The following TMTC2 variants were observed in gnomAD, a reference collection of about 807,000 sequenced individuals.
The protein encoded by TMTC2 is transmembrane O-mannosyltransferase targeting cadherins 2.
TMTC2 carries 43 observed loss-of-function variants against 82.4 expected under a neutral mutation model. That is an observed-to-expected ratio of 0.52 (90% CI 0.41 to 0.67). The LOEUF (loss-of-function observed/expected upper bound fraction) is 0.67, where lower values mean the gene tolerates loss of function less well. TMTC2 is among the 30% of genes least tolerant of loss of function. TMTC2 has a pLI of 0.00. For synonymous variants in TMTC2, 408 were observed against 381.9 expected, an observed-to-expected ratio of 1.07 and a Z score of -0.80; for missense variants, 919 against 1,012.4, an observed-to-expected ratio of 0.91 and a Z score of 1.25.
chr12:82,781,908 T>A (rs745991638), intron 1 of TMTC2, among the ~76,000 whole-genome samples: 47 of 151,922 alleles, frequency 3.1e-4, no homozygotes, highest in Non-Finnish European at 6.0e-4. Context: ...TAATGCTAAT[T>A]AGGCCTTCAA....
rs578198896 is a variant in TMTC2, at chr12:83,075,513, G to A, written c.2331+13682G>A. 9.7e-4 allele frequency among the ~76,000 whole-genome samples: 147 copies of A among 151,980 alleles called. 1 individual carries two copies. In the Middle Eastern group the frequency reaches 0.014, roughly 14 times the overall value. ...AGAGAAGTTATTAGTTTTCCCCCACGTTTTATCTGTTTTTATTAATTGCAA... is the reference window on the plus strand; with the variant it reads ...AGAGAAGTTATTAGTTTTCCCCCACATTTTATCTGTTTTTATTAATTGCAA... On this transcript the variant is annotated intron_variant, in intron 11 of 11. Transcript: ENST00000321196.
At chr12:82,985,435 T>A (rs1879110979) in intron 7 of TMTC2, among the ~76,000 whole-genome samples, 1 of 152,214 alleles carries the variant, frequency 6.6e-6, no homozygotes, top group African/African-American at 2.4e-5. Context: ...TATTTTTAAC[T>A]CTTTCAATTA....
At chr12:83,116,005 C>T (rs1354213560) in intron 11 of TMTC2, among the ~76,000 whole-genome samples, 2 of 152,148 alleles carry the variant, frequency 1.3e-5, no homozygotes, top group South Asian at 4.1e-4. Context: ...CCAGGCTGAT[C>T]TCAAACTCCT....
chr12:83,095,022 G>C (rs940871124), intron 11 of TMTC2, among the ~76,000 whole-genome samples: 1 of 152,128 alleles, frequency 6.6e-6, no homozygotes, highest in Non-Finnish European at 1.5e-5. Flanking sequence ...AGAGATACTA[G>C]GAAATTCTGT....
intron 7 of TMTC2, among the ~76,000 whole-genome samples, chr12:82,980,695 A>C (rs918315859): frequency 6.6e-6 from 1 of 151,846 alleles, no homozygotes; most frequent in Non-Finnish European, 1.5e-5. Flanking sequence ...TAATAAAGAA[A>C]GTTCTAAAAC....
At chr12:82,750,139 A>G (rs1362125628) in intron 1 of TMTC2, among the ~76,000 whole-genome samples, 1 of 152,154 alleles carries the variant, frequency 6.6e-6, no homozygotes, top group African/African-American at 2.4e-5. Context: ...ATGGCTCACT[A>G]CATACTTATT....
intron 2 of TMTC2, among the ~76,000 whole-genome samples, chr12:82,882,727 G>C (rs952142200): frequency 6.6e-6 from 1 of 152,120 alleles, no homozygotes; most frequent in African/African-American, 2.4e-5. Context: ...TTATGAAACT[G>C]ATGGATGCTT....
intron 11 of TMTC2, among the ~76,000 whole-genome samples, chr12:83,078,913 G>T (rs942921045): frequency 6.6e-6 from 1 of 151,912 alleles, no homozygotes; most frequent in South Asian, 2.1e-4. Context: ...AATTAGAAAT[G>T]ATCCTTTACA....
chr12:82,942,214 C>T (rs899634931), intron 4 of TMTC2, among the ~76,000 whole-genome samples: 1 of 152,024 alleles, frequency 6.6e-6, no homozygotes, highest in Non-Finnish European at 1.5e-5. Context: ...AAATGGATAA[C>T]CAGCCAAGGG....
intron 11 of TMTC2, among the ~76,000 whole-genome samples, chr12:83,109,517 G>A (rs1884529412): frequency 6.6e-6 from 1 of 152,074 alleles, no homozygotes; most frequent in Non-Finnish European, 1.5e-5. Flanking sequence ...TCTCTTACCA[G>A]GTTTTCTCTT....
chr12:82,965,146 T>A, intron 5 of TMTC2, 37 bp downstream of exon 5: 1 of 1,478,770 alleles, frequency 6.8e-7, no homozygotes, highest in Non-Finnish European at 9.4e-7. Context: ...TTTATACCTC[T>A]TTCCATATTT....
At chr12:83,069,702 A>G (rs1883040863) in intron 11 of TMTC2, among the ~76,000 whole-genome samples, 3 of 151,712 alleles carry the variant, frequency 2.0e-5, no homozygotes, top group African/African-American at 7.3e-5. Flanking sequence ...TAGTTTAATT[A>G]GGTCCCAGCT....
intron 4 of TMTC2, among the ~76,000 whole-genome samples, chr12:82,941,818 G>A (rs1876735084): frequency 6.6e-6 from 1 of 152,198 alleles, no homozygotes; most frequent in Non-Finnish European, 1.5e-5. Context: ...GGAGTGCAGT[G>A]TCACGATCTT....
At chr12:82,783,095 T>G (rs1352553357) in intron 1 of TMTC2, among the ~76,000 whole-genome samples, 1 of 152,110 alleles carries the variant, frequency 6.6e-6, no homozygotes, top group East Asian at 1.9e-4. Context: ...TGAACTTGGA[T>G]GCTAAATGAG....
At chr12:82,936,109 A>C (rs916627335) in intron 4 of TMTC2, among the ~76,000 whole-genome samples, 5 of 152,166 alleles carry the variant, frequency 3.3e-5, no homozygotes, top group Admixed American at 6.5e-5. Flanking sequence ...AATATATATG[A>C]AAATCATACG....
intron 3 of TMTC2, among the ~76,000 whole-genome samples, chr12:82,921,549 C>T (rs1164395898): frequency 6.6e-6 from 1 of 152,126 alleles, no homozygotes; most frequent in Admixed American, 6.5e-5. Context: ...CACAGTGCTG[C>T]AATGCAGGCC....
intron 1 of TMTC2, among the ~76,000 whole-genome samples, chr12:82,824,188 C>T (rs1869278783): frequency 6.6e-6 from 1 of 152,204 alleles, no homozygotes; most frequent in African/African-American, 2.4e-5. Flanking sequence ...GCCACCGCGC[C>T]TGGCCTATTC....
chr12:83,029,330 A>G (rs989239776), intron 8 of TMTC2, among the ~76,000 whole-genome samples: 2 of 152,030 alleles, frequency 1.3e-5, no homozygotes, highest in Non-Finnish European at 2.9e-5. Flanking sequence ...AACCTTTTTA[A>G]AAAAAAACTG....
At chr12:83,047,712 A>G (rs1396826411) in intron 9 of TMTC2, among the ~76,000 whole-genome samples, 1 of 152,190 alleles carries the variant, frequency 6.6e-6, no homozygotes, top group Non-Finnish European at 1.5e-5. Flanking sequence ...TTCTGTCACC[A>G]TTTACCCTAC....
Sources: allele counts gnomAD v4.1 joint callset (sites outside exome capture counted in the v4.1 genomes callset), GRCh38; gene constraint gnomAD v4.1.1; transcripts MANE v1.5; gene names NCBI Gene and HGNC (gene_info 2026-07-23, HGNC 2026-07-21).